The following GLDN variants were observed in gnomAD, a reference collection of about 807,000 sequenced individuals.
GLDN encodes the protein gliomedin.
Under a neutral mutation model 56.5 loss-of-function variants are expected in GLDN, and 47 were observed. The ratio of observed to expected loss-of-function variants is 0.83; its 90% confidence interval spans 0.66 to 1.06. GLDN has a LOEUF of 1.06. GLDN is among the 50% of genes least tolerant of loss of function. The probability of loss-of-function intolerance (pLI) is 0.00; values close to 1 mark genes in which losing one functional copy is unlikely to be tolerated. For synonymous variants in GLDN, 332 were observed against 278.8 expected, an observed-to-expected ratio of 1.19 and a Z score of -1.90; for missense variants, 782 against 714.3, an observed-to-expected ratio of 1.09 and a Z score of -1.08.
intron 3 of GLDN, 81 bp downstream of exon 3, chr15:51,383,534 G>A (rs1234884672): frequency 6.6e-7 from 1 of 1,523,918 alleles, no homozygotes; most frequent in South Asian, 1.1e-5. Context: ...GACAGATGCG[G>A]GGAGGGCAAG....
intron 5 of GLDN, 27 bp downstream of exon 5, chr15:51,395,008 T>C (rs2038097215): frequency 1.3e-6 from 2 of 1,540,498 alleles, no homozygotes; most frequent in Admixed American, 2.3e-5. Flanking sequence ...GTGGCTCTCT[T>C]TGAGGGCTTG....
chr15:51,387,170 A>G (rs944643123), intron 4 of GLDN, among the ~76,000 whole-genome samples: 1 of 152,040 alleles, frequency 6.6e-6, no homozygotes, highest in African/African-American at 2.4e-5. Flanking sequence ...TCAGCAAAGG[A>G]GACTGAGGAG....
At position 51,353,734 on chromosome 15, in the gene GLDN, A is replaced by AAAAAAAAAAAAAAAAAAAAC. The variant is rs60404846; in HGVS notation, c.363+11687_363+11688insAAAAAAAAAAAAAAAAAAAC. On this transcript the variant is annotated intron_variant, in intron 1 of 9. Transcript: ENST00000335449. ...TTGATTAAAAAAAAAAAAAAAAAAA[A>AAAAAAAAAAAAAAAAAAAAC]CCACAGTCAATTAAAAAAAAAAAAA... Among the ~76,000 whole-genome samples, 48 of 128,872 alleles carry AAAAAAAAAAAAAAAAAAAAC rather than the reference A, an allele frequency of 3.7e-4. 1 individual carries two copies. Among genetic ancestry groups the AAAAAAAAAAAAAAAAAAAAC allele is most frequent in the Non-Finnish European group, 5.7e-4 (35 of 61,776 alleles). 84.5% of individuals were successfully genotyped at this position (128,872 alleles called of 152,430 possible).
At chr15:51,362,487 A>C (rs1258744378) in intron 1 of GLDN, among the ~76,000 whole-genome samples, 1 of 48,342 alleles carries the variant, frequency 2.1e-5, no homozygotes, top group African/African-American at 1.1e-4. Context: ...TCTGTCTTAA[A>C]AAAAAAAAAA....
At chr15:51,363,474 C>G (rs2037342073) in intron 1 of GLDN, among the ~76,000 whole-genome samples, 2 of 152,186 alleles carry the variant, frequency 1.3e-5, no homozygotes, top group Non-Finnish European at 1.5e-5. Context: ...TTAAAAGAAG[C>G]CTTTTCGCAA....
chr15:51,401,525 A>G (rs1435513513), intron 8 of GLDN, 68 bp from the exon 9 acceptor site: 36 of 1,462,042 alleles, frequency 2.5e-5, no homozygotes, highest in Non-Finnish European at 3.2e-5. Context: ...AATTCCTCCC[A>G]AGGACTCCCT....
At chr15:51,410,809 G>A (rs370989271), downstream of GLDN, among the ~76,000 whole-genome samples, 10 of 152,254 alleles carry the variant, frequency 6.6e-5, no homozygotes, top group Middle Eastern at 6.8e-3. Flanking sequence ...AAATTTAACT[G>A]GGAGCCTTGC....
chr15:51,395,361 TG>T (rs1300260348), intron 5 of GLDN, among the ~76,000 whole-genome samples: 2 of 152,210 alleles, frequency 1.3e-5, no homozygotes, highest in Non-Finnish European at 2.9e-5. Flanking sequence ...CTGATGAGGT[TG>T]AGCCATCCTC....
At chr15:51,389,610 A>G (rs1319310057) in intron 4 of GLDN, among the ~76,000 whole-genome samples, 1 of 152,206 alleles carries the variant, frequency 6.6e-6, no homozygotes, top group Non-Finnish European at 1.5e-5. Flanking sequence ...GAGAGAGAAG[A>G]GTGATCAGCA....
intron 1 of GLDN, among the ~76,000 whole-genome samples, chr15:51,346,869 C>A (rs1049381900): frequency 6.6e-6 from 1 of 152,090 alleles, no homozygotes; most frequent in South Asian, 2.1e-4. Flanking sequence ...AGTTCAAGAC[C>A]AGCCTGGCCA....
Position 51,341,737 on chromosome 15 carries a change from G to C in GLDN, c.53G>C (p.Gly18Ala). The change falls in exon 1 of 10, where the codon GGC becomes GCC. Residue 18 changes from glycine (G) to alanine (A), a missense_variant. By Grantham distance (60) the Gly-to-Ala change is moderately conservative. Coordinates refer to ENST00000335449, the MANE Select transcript of GLDN (RefSeq NM_181789.4). ...GRGDAGWGLRGALAAVALLSA... is the reference protein window; with the variant it reads ...GRGDAGWGLRAALAAVALLSA... ...GGGGACGCGGGTTGGGGCCTGCGTG[G>C]CGCCCTGGCGGCCGTGGCGCTGCTC... is the stretch of plus-strand genomic sequence containing the variant. 1 of 1,459,658 alleles carries C rather than the reference G, an allele frequency of 6.9e-7. No individual in the cohort carries two copies. The highest frequency in any genetic ancestry group is 8.9e-7 in the Non-Finnish European group (1 of 1,118,460). 90.4% of individuals were successfully genotyped at this position (1,459,658 alleles called of 1,614,324 possible).
At position 51,397,595 on chromosome 15, in the gene GLDN, C is replaced by T. The variant is rs373661236; in HGVS notation, c.814C>T (p.Pro272Ser). 6.3e-7 allele frequency: 1 copy of T among 1,590,848 alleles called. No individual in the cohort carries two copies. The change falls in exon 6 of 10, where the codon CCA becomes TCA. Residue 272 changes from proline (P) to serine (S), a missense_variant. By Grantham distance (74) the Pro-to-Ser change is moderately conservative. Coordinates refer to ENST00000335449, the MANE Select transcript of GLDN (RefSeq NM_181789.4). Reference protein sequence around the residue: ...RQPSMFNGQCPGETCAIPNDD... With the variant: ...RQPSMFNGQCSGETCAIPNDD... ...GCCAAGCATGTTCAACGGCCAGTGC[C>T]CAGGTCACCACCTCTCCCCTACGGG... is the stretch of plus-strand genomic sequence containing the variant.
In GLDN at chr15:51,392,648, G is replaced by T. The variant is rs1402640826; in HGVS notation, c.542-2187G>T. Among the ~76,000 whole-genome samples the T allele has an allele frequency of 2.8e-5, 4 of 142,264 alleles. No individual in the cohort carries two copies. The East Asian group carries it at 6.5e-4, about 23-fold the overall frequency. 93.3% of individuals were successfully genotyped at this position (142,264 alleles called of 152,430 possible). A position where few individuals can be genotyped will look rare whatever the true frequency, so the allele number is the denominator to read the frequency against. On this transcript the variant is annotated intron_variant, in intron 4 of 9. Coordinates refer to ENST00000335449, the MANE Select transcript of GLDN (RefSeq NM_181789.4). ...CAAAACTAGTCCCTGGTGCCAAAAAGGTTGGGAACCACTGTTTTAGGGAAT... is the reference window on the plus strand; with the variant it reads ...CAAAACTAGTCCCTGGTGCCAAAAATGTTGGGAACCACTGTTTTAGGGAAT...
At chr15:51,343,937 C>A (rs1024306782) in intron 1 of GLDN, among the ~76,000 whole-genome samples, 1 of 152,310 alleles carries the variant, frequency 6.6e-6, no homozygotes, top group South Asian at 2.1e-4. Flanking sequence ...TTGGTGAGTT[C>A]GGTGCAGATG....
chr15:51,403,432 A>C (rs1463731548), intron 9 of GLDN, among the ~76,000 whole-genome samples: 1 of 152,210 alleles, frequency 6.6e-6, no homozygotes, highest in Non-Finnish European at 1.5e-5. Context: ...AGATGCACAC[A>C]GTTCATGTTT....
intron 1 of GLDN, among the ~76,000 whole-genome samples, chr15:51,353,457 A>G (rs1430350864): frequency 6.6e-6 from 1 of 152,156 alleles, no homozygotes; most frequent in Non-Finnish European, 1.5e-5. Flanking sequence ...CACTGATGAT[A>G]AGATTTGGCA....
At chr15:51,381,223 G>T (rs2037751992) in intron 2 of GLDN, among the ~76,000 whole-genome samples, 1 of 152,170 alleles carries the variant, frequency 6.6e-6, no homozygotes. Context: ...GCATGGACGT[G>T]GTTATCAGAC....
chr15:51,389,104 C>T (rs1018034088), intron 4 of GLDN, among the ~76,000 whole-genome samples: 8 of 152,214 alleles, frequency 5.3e-5, no homozygotes, highest in Admixed American at 5.2e-4. Flanking sequence ...GGCCCTGAGG[C>T]CCTGGGCAAG....
chr15:51,410,651 G>T (rs1204323603), downstream of GLDN, among the ~76,000 whole-genome samples: 1 of 152,112 alleles, frequency 6.6e-6, no homozygotes, highest in Non-Finnish European at 1.5e-5. Context: ...TTGCTTCCCA[G>T]GGAACCCAAC....
Sources: allele counts gnomAD v4.1 joint callset (sites outside exome capture counted in the v4.1 genomes callset), GRCh38; gene constraint gnomAD v4.1.1; transcripts MANE v1.5; gene names NCBI Gene and HGNC (gene_info 2026-07-23, HGNC 2026-07-21).